Variants in XPR1 observed in about 807,000 individuals in gnomAD.
XPR1 encodes solute carrier family 53 member 1.
XPR1 carries 28 observed loss-of-function variants against 87.5 expected under a neutral mutation model. The ratio of observed to expected loss-of-function variants is 0.32; its 90% confidence interval spans 0.24 to 0.44. The LOEUF (loss-of-function observed/expected upper bound fraction) is 0.44, where lower values mean the gene tolerates loss of function less well. Ranked by LOEUF, XPR1 falls within the 20% of genes least tolerant of loss-of-function variation. The pLI, the probability that XPR1 is intolerant of heterozygous loss-of-function variation, is 1.00. For synonymous variants in XPR1, 300 were observed against 306.1 expected, an observed-to-expected ratio of 0.98 and a Z score of 0.21; for missense variants, 559 against 862.3, an observed-to-expected ratio of 0.65 and a Z score of 4.41.
intron 3 of XPR1, among the ~76,000 whole-genome samples, chr1:180,799,322 G>T (rs1649699307): frequency 6.6e-6 from 1 of 152,150 alleles, no homozygotes; most frequent in South Asian, 2.1e-4. Context: ...GGATATTTTG[G>T]TTATGTTGGG....
chr1:180,827,825 G>T (rs1034905331), intron 9 of XPR1, among the ~76,000 whole-genome samples: 1 of 151,584 alleles, frequency 6.6e-6, no homozygotes, highest in African/African-American at 2.4e-5. Context: ...TTCTGATACC[G>T]CTTTTTAAAA....
intron 2 of XPR1, among the ~76,000 whole-genome samples, chr1:180,682,908 A>C (rs1234174812): frequency 6.6e-6 from 1 of 151,980 alleles, no homozygotes; most frequent in East Asian, 1.9e-4. Flanking sequence ...ATAGGAGCTA[A>C]TTCAACAACT....
intron 2 of XPR1, among the ~76,000 whole-genome samples, chr1:180,702,792 G>C (rs1432101623): frequency 6.6e-6 from 1 of 151,260 alleles, no homozygotes; most frequent in Non-Finnish European, 1.5e-5. Context: ...TCTTTTTTGG[G>C]ATTTTTTTTC....
At chr1:180,762,941 G>A (rs1648104628) in intron 2 of XPR1, among the ~76,000 whole-genome samples, 1 of 152,070 alleles carries the variant, frequency 6.6e-6, no homozygotes, top group African/African-American at 2.4e-5. Context: ...CAACAAAAAG[G>A]CATGGATCAC....
intron 2 of XPR1, among the ~76,000 whole-genome samples, chr1:180,781,140 T>C (rs1648919073): frequency 6.6e-6 from 1 of 151,962 alleles, no homozygotes; most frequent in African/African-American, 2.4e-5. Flanking sequence ...TTCTTTTGCA[T>C]GTGACTATCC....
rs188747319 is a variant in XPR1 at position 180,787,496 on chromosome 1, C to G, written c.122-257C>G. Among the ~76,000 whole-genome samples the G allele has an allele frequency of 2.0e-5, 3 of 152,172 alleles. No individual in the cohort carries two copies. In the East Asian group the frequency reaches 5.8e-4, roughly 29 times the overall value. On this transcript the variant is annotated intron_variant, in intron 2 of 14. Transcript: ENST00000367590. Reference sequence around the variant, plus strand: ...GATTTCACCATTTGGCCAGTCTGGTCTTGAACTCCTGACTTCAAGTGATCT... The same window carrying G: ...GATTTCACCATTTGGCCAGTCTGGTGTTGAACTCCTGACTTCAAGTGATCT...
chr1:180,879,213 C>CT (rs975588474), intron 13 of XPR1, among the ~76,000 whole-genome samples: 5 of 152,198 alleles, frequency 3.3e-5, no homozygotes, highest in African/African-American at 1.2e-4. Flanking sequence ...TTATTACCAC[C>CT]TTTAAGTCAC....
chr1:180,874,477 G>A (rs962694873), intron 13 of XPR1, among the ~76,000 whole-genome samples: 2 of 152,014 alleles, frequency 1.3e-5, no homozygotes, highest in African/African-American at 4.8e-5. Context: ...ATCACCTGAG[G>A]TCAGGAGTTC....
At chr1:180,826,285 T>A (rs1477518652) in intron 9 of XPR1, among the ~76,000 whole-genome samples, 1 of 151,986 alleles carries the variant, frequency 6.6e-6, no homozygotes, top group African/African-American at 2.4e-5. Flanking sequence ...GTACAGTCGC[T>A]CATGCCTATA....
intron 11 of XPR1, among the ~76,000 whole-genome samples, chr1:180,858,992 T>C (rs1652129431): frequency 1.9e-4 from 1 of 5,236 alleles, no homozygotes; most frequent in Admixed American, 2.1e-3. Flanking sequence ...CAGTCATAAT[T>C]CAGTTTACCT....
intron 7 of XPR1, among the ~76,000 whole-genome samples, chr1:180,820,470 G>A (rs182950329): frequency 6.6e-6 from 1 of 152,236 alleles, no homozygotes; most frequent in East Asian, 1.9e-4. Flanking sequence ...TCTTTTTATG[G>A]CTGAGTAATA....
chr1:180,692,659 A>G (rs973330095), intron 2 of XPR1, among the ~76,000 whole-genome samples: 1 of 152,188 alleles, frequency 6.6e-6, no homozygotes, highest in South Asian at 2.1e-4. Context: ...ACTTCAGTCT[A>G]GTTCACTAAG....
intron 2 of XPR1, among the ~76,000 whole-genome samples, chr1:180,720,100 AAGCAGGG>A (rs1343730684): frequency 2.6e-5 from 4 of 152,192 alleles, no homozygotes; most frequent in Admixed American, 1.3e-4. Flanking sequence ...GAAAGAAGAA[AAGCAGGG>A]AGCAGGGCCG....
At chr1:180,782,145 A>AT (rs11405062) in intron 2 of XPR1, among the ~76,000 whole-genome samples, 7,668 of 151,384 alleles carry the variant, frequency 0.051, 352 homozygotes, top group Non-Finnish European at 0.069. Flanking sequence ...CCTGTTTTTT[A>AT]TTTTTTTTCT....
intron 1 of XPR1, among the ~76,000 whole-genome samples, chr1:180,637,266 A>T (rs575340870): frequency 6.6e-6 from 1 of 152,318 alleles, no homozygotes; most frequent in Non-Finnish European, 1.5e-5. Context: ...TTGGCAGATA[A>T]TCATTAATCC....
intron 1 of XPR1, among the ~76,000 whole-genome samples, chr1:180,664,346 C>T (rs1442110742): frequency 2.0e-5 from 3 of 152,170 alleles, no homozygotes; most frequent in African/African-American, 7.2e-5. Flanking sequence ...GTTCTGTGTT[C>T]AGCAGATGAT....
intron 2 of XPR1, among the ~76,000 whole-genome samples, chr1:180,693,970 G>T (rs1453922866): frequency 1.3e-5 from 2 of 152,018 alleles, no homozygotes; most frequent in Non-Finnish European, 2.9e-5. Context: ...TGTTGTTGTT[G>T]TTTTAGAGAC....
intron 2 of XPR1, among the ~76,000 whole-genome samples, chr1:180,708,519 A>G (rs1372314178): frequency 2.0e-5 from 3 of 152,282 alleles, no homozygotes; most frequent in Middle Eastern, 3.4e-3. Flanking sequence ...AAATTTTATC[A>G]GTAAATTTAC....
chr1:180,721,355 G>A (rs1048957361), intron 2 of XPR1, among the ~76,000 whole-genome samples: 2 of 152,030 alleles, frequency 1.3e-5, no homozygotes, highest in South Asian at 4.1e-4. Context: ...TTGACATTTA[G>A]CTAACAAGTC....
Sources: allele counts gnomAD v4.1 joint callset (sites outside exome capture counted in the v4.1 genomes callset), GRCh38; gene constraint gnomAD v4.1.1; transcripts MANE v1.5; gene names NCBI Gene and HGNC (gene_info 2026-07-23, HGNC 2026-07-21).